The following NELFCD variants were observed in gnomAD, a reference collection of about 807,000 sequenced individuals.
NELFCD encodes the protein negative elongation factor complex member C/D.
A neutral mutation model predicts 72.9 loss-of-function variants in NELFCD; 48 were observed. The ratio of observed to expected loss-of-function variants is 0.66; its 90% CI spans 0.52 to 0.84. The LOEUF (loss-of-function observed/expected upper bound fraction) is 0.84, where lower values mean the gene tolerates loss of function less well. Ranked by LOEUF, NELFCD falls within the 40% of genes least tolerant of loss-of-function variation. The pLI is 0.00. For synonymous variants in NELFCD, 297 were observed against 280.6 expected (o/e 1.06, Z -0.59); for missense variants, 538 against 723.8 (o/e 0.74, Z 2.94).
In NELFCD at chr20:58,990,730, C is replaced by T. The variant is rs2091809803; in HGVS notation, c.789-180C>T. The T allele has an allele frequency of 2.7e-5, 15 of 564,192 alleles. No homozygotes were observed. The South Asian group carries it at 3.8e-4, about 14-fold the overall frequency. The allele number at this position is 564,192 out of a possible 1,614,324, so 34.9% of individuals were successfully genotyped here. Reference sequence around the variant, plus strand: ...GTGTGTGACTCCTTTCTTATAGAGCCAGCAAGCTGTATTGGAATCACTTTT... The same window carrying T: ...GTGTGTGACTCCTTTCTTATAGAGCTAGCAAGCTGTATTGGAATCACTTTT... On this transcript the variant is annotated intron_variant, in intron 7 of 14. Transcript: ENST00000652272.
intron 4 of NELFCD, among the ~76,000 whole-genome samples, chr20:58,988,241 C>A (rs766348068): frequency 6.6e-6 from 1 of 152,198 alleles, no homozygotes; most frequent in African/African-American, 2.4e-5. Context: ...TGCAGTCTGA[C>A]CCTTGAGGGC....
intron 1 of NELFCD, among the ~76,000 whole-genome samples, chr20:58,984,431 TAAGG>T (rs2091758284): frequency 6.6e-6 from 1 of 151,522 alleles, no homozygotes. Context: ...ATACAAAAAA[TAAGG>T]AAGAGCAGAG....
At position 58,993,322 on chromosome 20, in the gene NELFCD, C is replaced by T. The variant is rs1247446595; in HGVS notation, c.1345-127C>T. On this transcript the variant is annotated intron_variant, in intron 11 of 14. Transcript: ENST00000652272. This position sits in a 1 kb window ranked among gnomAD's most constrained non-coding sequence, Gnocchi z 5.0. ...TCAAGTGTTACTGGAAGCTGATGGC[C>T]CTGGCTTAGGTGTCAGGACCTTCTT... 7.4e-6 allele frequency: 7 copies of T among 943,030 alleles called. No individual in the cohort carries two copies. In the East Asian group the frequency reaches 1.8e-4, roughly 25 times the overall value. The allele number at this position is 943,030 out of a possible 1,614,324, so 58.4% of individuals were successfully genotyped here. A position where few individuals can be genotyped will look rare whatever the true frequency, so the allele number is the denominator to read the frequency against.
chr20:58,987,406 GT>G, intron 3 of NELFCD: 1 of 370,734 alleles, frequency 2.7e-6, no homozygotes, highest in Non-Finnish European at 4.9e-6. Context: ...GGGCAGGGAT[GT>G]TTTTCCATCC....
Position 58,986,634 on chromosome 20 carries a change from C to T in NELFCD, c.177-120C>T. 1 of 778,304 alleles carries T rather than the reference C, an allele frequency of 1.3e-6. No homozygotes were observed. Among genetic ancestry groups the T allele is most frequent in the South Asian group, 1.4e-5 (1 of 73,372 alleles). The allele number at this position is 778,304 out of a possible 1,614,324, so 48.2% of individuals were successfully genotyped here. ...CTGGGATTACAGGTGTGCACCACTG[C>T]ACCCAGCCCCCTCCGCTGCTTTAAA... On this transcript the variant is annotated intron_variant, in intron 2 of 14. Coordinates refer to ENST00000652272, the MANE Select transcript of NELFCD (RefSeq NM_198976.4). This position sits in a 1 kb window ranked among gnomAD's most constrained non-coding sequence, Gnocchi z 4.4.
At position 58,995,065 on chromosome 20, in the gene NELFCD, A is replaced by G. The variant is rs570299563; in HGVS notation, c.*389A>G. 49 of 203,558 alleles carry G rather than the reference A, an allele frequency of 2.4e-4. No homozygotes were observed. The highest frequency in any genetic ancestry group is 4.2e-4 in the Non-Finnish European group (42 of 100,898). The allele number at this position is 203,558 out of a possible 1,614,324, so 12.6% of individuals were successfully genotyped here. A position where few individuals can be genotyped will look rare whatever the true frequency, so the allele number is the denominator to read the frequency against. On this transcript the variant is annotated 3_prime_UTR_variant, in exon 15 of 15. Coordinates refer to ENST00000652272, the MANE Select transcript of NELFCD (RefSeq NM_198976.4). ...CCCAGTTAGCTGATGTTTTATTGTA[A>G]TTGTCTTAATTTGCTAAGAACAAGT...
At chr20:58,992,288 T>C (rs1018186076) in intron 10 of NELFCD, among the ~76,000 whole-genome samples, 1 of 152,172 alleles carries the variant, frequency 6.6e-6, no homozygotes, top group Non-Finnish European at 1.5e-5. Context: ...AAGGGTCTAT[T>C]TATAGGTAAA....
chr20:58,984,463 GACC>G (rs745613716), intron 1 of NELFCD, among the ~76,000 whole-genome samples: 3 of 152,150 alleles, frequency 2.0e-5, no homozygotes, highest in Admixed American at 6.5e-5. Flanking sequence ...TGGAAAGAAG[GACC>G]ACCTTGGATA....
At chr20:58,981,428 C>A in intron 1 of NELFCD, 59 bp downstream of exon 1, 1 of 822,028 alleles carries the variant, frequency 1.2e-6, no homozygotes, top group African/African-American at 1.9e-5. Flanking sequence ...CGCCGGCGGG[C>A]CGGCCCCACT....
In NELFCD at chr20:58,986,153, A is replaced by T; in HGVS notation, c.121A>T (p.Lys41Ter). Residue 41 changes from lysine (K) to a stop codon, truncating the protein, a stop_gained, in exon 2 of 15, where the codon AAA becomes TAA. Transcript: ENST00000652272. LOFTEE classifies it high-confidence loss of function. This position sits in a 1 kb window ranked among gnomAD's most constrained non-coding sequence, Gnocchi z 4.4. ...GGAGGTTCAGCAAGAATGCCTGCAT[A>T]AATTTTCCACCCGGGATTATATCAT... ...DAEVQQECLH[K>*]FSTRDYIMEP... 1.2e-6 allele frequency: 2 copies of T among 1,614,092 alleles called. No homozygotes were observed. The highest frequency in any genetic ancestry group is 1.7e-6 in the Non-Finnish European group (2 of 1,179,934).
chr20:58,989,949 G>GCAGGAT lies in NELFCD; in HGVS notation c.751_756dup (p.Arg251_Ile252dup). 1 of 1,613,886 alleles carries GCAGGAT rather than the reference G, an allele frequency of 6.2e-7. No homozygotes were observed. The highest frequency in any genetic ancestry group is 8.5e-7 in the Non-Finnish European group (1 of 1,180,034). On this transcript the variant is annotated inframe_insertion, in exon 7 of 15. Coordinates refer to ENST00000652272, the MANE Select transcript of NELFCD (RefSeq NM_198976.4). Reference sequence around the variant, plus strand: ...GAGGAGCAGGGGGGCTCCGCTGTGCGCAGGATCGCCCAGGAAGTGCAGCGC... The same window carrying GCAGGAT: ...GAGGAGCAGGGGGGCTCCGCTGTGCGCAGGATCAGGATCGCCCAGGAAGTGCAGCGC...
chr20:58,994,003 T>TG, intron 13 of NELFCD, 107 bp from the exon 14 acceptor site: 2 of 1,357,118 alleles, frequency 1.5e-6, no homozygotes, highest in South Asian at 1.3e-5. Flanking sequence ...CACCGGCCGG[T>TG]GGGGGTGGGG....
rs768327000 is a variant in NELFCD at position 58,989,999 on chromosome 20, C to T, written c.788+11C>T. The T allele has an allele frequency of 6.2e-7, 1 of 1,610,668 alleles. No homozygotes were observed. Reference sequence around the variant, plus strand: ...CTTTGCCCAGGAGAAGTGAGAGGCCCTGTTTCTGCTCAGCCCTTCCTTCCT... The same window carrying T: ...CTTTGCCCAGGAGAAGTGAGAGGCCTTGTTTCTGCTCAGCCCTTCCTTCCT... On this transcript the variant is annotated intron_variant, in intron 7 of 14. Transcript: ENST00000652272.
At chr20:58,991,774 A>T in intron 9 of NELFCD, 107 bp from the exon 10 acceptor site, 1 of 1,324,116 alleles carries the variant, frequency 7.6e-7, no homozygotes, top group Non-Finnish European at 1.0e-6. Context: ...CTCCCAACTT[A>T]AGTAGAAATA....
At chr20:58,987,907 T>A in intron 4 of NELFCD, 90 bp downstream of exon 4, 1 of 936,230 alleles carries the variant, frequency 1.1e-6, no homozygotes, top group Non-Finnish European at 1.7e-6. Flanking sequence ...ATCATGTAAG[T>A]AATGGCAGAG....
chr20:58,981,489 G>C (rs1429973906), intron 1 of NELFCD, 120 bp downstream of exon 1: 1 of 257,902 alleles, frequency 3.9e-6, no homozygotes, highest in Non-Finnish European at 6.2e-6. Flanking sequence ...GGGTGTGCGC[G>C]CGCACGGCCC....
Position 58,986,523 on chromosome 20 carries a change from T to C in NELFCD, c.177-231T>C. On this transcript the variant is annotated intron_variant, in intron 2 of 14. Transcript: ENST00000652272. The surrounding 1 kb of genome is among the most constrained non-coding windows in gnomAD (Gnocchi z 4.4). ...CCTGGCTATTTTTGTTTTTGTTTTT[T>C]GGGAGAGACAGGGCTCCTTACGTTG... The C allele has an allele frequency of 1.8e-6, 1 of 560,854 alleles. No homozygotes were observed. Among genetic ancestry groups the C allele is most frequent in the East Asian group, 3.1e-5 (1 of 31,806 alleles). The allele number at this position is 560,854 out of a possible 1,614,324, so 34.7% of individuals were successfully genotyped here. A position where few individuals can be genotyped will look rare whatever the true frequency, so the allele number is the denominator to read the frequency against.
chr20:58,993,170 T>C lies in NELFCD; in HGVS notation c.1344+58T>C. 4.7e-6 allele frequency: 6 copies of C among 1,286,446 alleles called. No homozygotes were observed. The highest frequency in any genetic ancestry group is 6.8e-6 in the Non-Finnish European group (6 of 881,980). 79.7% of individuals were successfully genotyped at this position (1,286,446 alleles called of 1,614,324 possible). On this transcript the variant is annotated intron_variant, in intron 11 of 14. Coordinates refer to ENST00000652272, the MANE Select transcript of NELFCD (RefSeq NM_198976.4). The surrounding 1 kb of genome is among the most constrained non-coding windows in gnomAD (Gnocchi z 5.0). ...CAGTGTCTGTCTCATGCTGTTTACGTTGGCATTAACATTGCATCTATTCAG... is the reference window on the plus strand; with the variant it reads ...CAGTGTCTGTCTCATGCTGTTTACGCTGGCATTAACATTGCATCTATTCAG...
Position 58,986,153 on chromosome 20 carries a change from A to G in NELFCD, c.121A>G (p.Lys41Glu), listed in dbSNP as rs1397911991. The change falls in exon 2 of 15, where the codon AAA becomes GAA. Residue 41 changes from lysine to glutamate, a missense_variant. Lys to Glu is a moderately conservative substitution (Grantham distance 56, BLOSUM62 1). Around this residue, in one of 3 missense-constraint regions of NELFCD, gnomAD observed 355 missense variants for 534.5 expected, o/e 0.66. Transcript: ENST00000652272. The surrounding 1 kb of genome is among the most constrained non-coding windows in gnomAD (Gnocchi z 4.4). Reference protein sequence around the residue: ...DAEVQQECLHKFSTRDYIMEP... With the variant: ...DAEVQQECLHEFSTRDYIMEP... ...GGAGGTTCAGCAAGAATGCCTGCAT[A>G]AATTTTCCACCCGGGATTATATCAT... 6.2e-7 allele frequency: 1 copy of G among 1,614,092 alleles called. No homozygotes were observed. The highest frequency in any genetic ancestry group is 2.2e-5 in the East Asian group (1 of 44,884).
Sources: gnomAD v4.1 joint callset for allele counts (sites outside exome capture counted in the v4.1 genomes callset) on GRCh38, gnomAD v4.1.1 for gene constraint, gnomAD v4.1.1 regional missense constraint, Gnocchi (gnomAD v3.1) non-coding constraint, MANE v1.5 for transcripts, NCBI Gene and HGNC (gene_info 2026-07-23, HGNC 2026-07-21) for gene names.